SLC9C2: variants seen among roughly 807,000 people sequenced by gnomAD.
The protein encoded by SLC9C2 is sodium/hydrogen exchanger 11.
A neutral mutation model predicts 140.2 loss-of-function variants in SLC9C2; 75 were observed. The observed-to-expected ratio is 0.53, with a 90% CI of 0.44 to 0.65. SLC9C2 has a LOEUF of 0.65. Ranked by LOEUF, SLC9C2 falls within the 30% of genes least tolerant of loss-of-function variation. SLC9C2 has a pLI of 0.00. For synonymous variants in SLC9C2, 375 were observed against 420.9 expected (o/e 0.89, Z 1.34); for missense variants, 1,074 against 1,331.8 (o/e 0.81, Z 3.01).
intron 14 of SLC9C2, 146 bp from the exon 15 acceptor site, chr1:173,536,095 T>C (rs534006723): frequency 1.1e-4 from 67 of 619,666 alleles, no homozygotes; most frequent in Admixed American, 2.6e-4. Flanking sequence ...TCCATCCACC[T>C]ATCCATCCAT....
At position 173,533,746 on chromosome 1, in the gene SLC9C2, A is replaced by C. The variant is rs1316707218; in HGVS notation, c.2026T>G (p.Phe676Val). Residue 676 changes from phenylalanine to valine, a missense_variant, in exon 17 of 28, where the codon TTT becomes GTT. Physicochemically the swap from Phe to Val is conservative, Grantham distance 50. Transcript: ENST00000367714. ...ATGATTCCAATAACCAGGATAAAAAATTCCAAAGTATTCCAACATTGTTGA... is the reference window on the plus strand; with the variant it reads ...ATGATTCCAATAACCAGGATAAAAACTTCCAAAGTATTCCAACATTGTTGA... ...YFQQCWNTLE[F>V]FILVIGIIDI... 6.2e-7 allele frequency: 1 copy of C among 1,602,956 alleles called. No individual in the cohort carries two copies. Among genetic ancestry groups the C allele is most frequent in the Admixed American group, 1.7e-5 (1 of 58,414 alleles).
intron 8 of SLC9C2, among the ~76,000 whole-genome samples, chr1:173,575,662 C>T (rs1047034482): frequency 2.6e-5 from 4 of 152,014 alleles, no homozygotes; most frequent in South Asian, 4.1e-4. Context: ...CTGCAAGCTC[C>T]GCCTCCCGGG....
chr1:173,531,271 A>G (rs1661562746), intron 17 of SLC9C2, among the ~76,000 whole-genome samples: 1 of 152,208 alleles, frequency 6.6e-6, no homozygotes, highest in Non-Finnish European at 1.5e-5. Context: ...AGCATGCTAG[A>G]CAGAAGGGAT....
At position 173,551,646 on chromosome 1, in the gene SLC9C2, G is replaced by A. The variant is rs745711105; in HGVS notation, c.1297+3087C>T. ...TCTTTGATATTACTAATGTAATTGC[G>A]TTGGGGCACCACAAACTGCACCCAC... On this transcript the variant is annotated intron_variant, in intron 11 of 27. Coordinates refer to ENST00000367714, the MANE Select transcript of SLC9C2 (RefSeq NM_178527.4). Among the ~76,000 whole-genome samples, 59 of 152,088 alleles carry A rather than the reference G, an allele frequency of 3.9e-4. 1 individual carries two copies. Among genetic ancestry groups the A allele is most frequent in the South Asian group, 2.1e-4 (1 of 4,822 alleles).
Position 173,556,307 on chromosome 1 carries a change from G to A in SLC9C2, c.1215+1033C>T, listed in dbSNP as rs528656604. ...AATCTTGCCTGGAATGTCAGATGCA[G>A]CCACCACCAGACTCCCCAGAAATCT... On this transcript the variant is annotated intron_variant, in intron 10 of 27. Transcript: ENST00000367714. Among the ~76,000 whole-genome samples the A allele has an allele frequency of 1.4e-3, 218 of 152,262 alleles. 1 individual carries two copies. In the South Asian group the frequency reaches 0.022, roughly 15 times the overall value.
intron 4 of SLC9C2, among the ~76,000 whole-genome samples, chr1:173,591,405 C>T (rs1666154495): frequency 6.6e-6 from 1 of 151,932 alleles, no homozygotes; most frequent in Admixed American, 6.6e-5. Context: ...AATGGGATTG[C>T]TGGGTTGAAT....
chr1:173,559,062 C>A (rs1353297771), intron 9 of SLC9C2, among the ~76,000 whole-genome samples: 1 of 152,148 alleles, frequency 6.6e-6, no homozygotes, highest in Non-Finnish European at 1.5e-5. Flanking sequence ...TGGATGTGTA[C>A]CTGAGTCAAA....
intron 20 of SLC9C2, 83 bp downstream of exon 20, chr1:173,524,696 T>G (rs1661072472): frequency 6.7e-7 from 1 of 1,488,596 alleles, no homozygotes; most frequent in Admixed American, 2.0e-5. Context: ...TTAAACAATT[T>G]TTTCAATCTC....
intron 6 of SLC9C2, 92 bp downstream of exon 6, chr1:173,583,414 T>C: frequency 1.4e-6 from 1 of 717,100 alleles, no homozygotes; most frequent in Admixed American, 2.5e-5. Flanking sequence ...AAAAGTAAAG[T>C]ATAGAGAAGG....
At chr1:173,578,295 T>C (rs1162297083) in intron 7 of SLC9C2, among the ~76,000 whole-genome samples, 1 of 152,200 alleles carries the variant, frequency 6.6e-6, no homozygotes, top group African/African-American at 2.4e-5. Context: ...TTTTTGGACT[T>C]AAGCCAATTG....
chr1:173,538,524 G>A (rs555600712), intron 13 of SLC9C2, among the ~76,000 whole-genome samples: 1 of 152,280 alleles, frequency 6.6e-6, no homozygotes, highest in South Asian at 2.1e-4. Context: ...CAATCTAGTG[G>A]GGCAGGGGAA....
rs12065426 is a variant in SLC9C2, at chr1:173,500,966, A to G, written c.*128T>C. The G allele has an allele frequency of 0.19, 212,914 of 1,091,968 alleles. 21,977 individuals carry two copies. Among genetic ancestry groups the G allele is most frequent in the East Asian group, 0.31 (9,810 of 31,718 alleles). The allele number at this position is 1,091,968 out of a possible 1,614,324, so 67.6% of individuals were successfully genotyped here. On this transcript the variant is annotated 3_prime_UTR_variant, in exon 28 of 28. Coordinates refer to ENST00000367714, the MANE Select transcript of SLC9C2 (RefSeq NM_178527.4). ...AAATGCAGCAGTAACCTGTTTCAGT[A>G]GCTTCTAAGTAAACTCCTTGCAGAT...
At chr1:173,556,304 G>A (rs1162013447) in intron 10 of SLC9C2, among the ~76,000 whole-genome samples, 2 of 152,158 alleles carry the variant, frequency 1.3e-5, no homozygotes, top group Admixed American at 6.5e-5. Context: ...AATGTCAGAT[G>A]CAGCCACCAC....
intron 14 of SLC9C2, 45 bp from the exon 15 acceptor site, chr1:173,535,994 G>A: frequency 6.9e-7 from 1 of 1,445,718 alleles, no homozygotes; most frequent in Non-Finnish European, 9.2e-7. Flanking sequence ...AAAAGCAAGT[G>A]CTATACTTTG....
intron 4 of SLC9C2, chr1:173,596,699 C>A (rs1415741224): frequency 6.6e-6 from 1 of 151,760 alleles, no homozygotes; most frequent in Admixed American, 6.6e-5. Context: ...TAAAAAAAAT[C>A]CAACTGTATA....
In SLC9C2 at chr1:173,502,383, G is replaced by A. The variant is rs571304839; in HGVS notation, c.3371+883C>T. 2.6e-5 allele frequency among the ~76,000 whole-genome samples: 4 copies of A among 151,320 alleles called. No individual in the cohort carries two copies. The East Asian group carries it at 7.8e-4, about 29-fold the overall frequency. On this transcript the variant is annotated intron_variant, in intron 27 of 27. Transcript: ENST00000367714. ...GTGCTTAGCACCATCACTGCTACCT[G>A]GCCCACTTCTGCATTTGTCTAGCAC...
chr1:173,586,554 A>T (rs1665858374), intron 5 of SLC9C2, among the ~76,000 whole-genome samples: 1 of 152,214 alleles, frequency 6.6e-6, no homozygotes, highest in Non-Finnish European at 1.5e-5. Context: ...AATATAAATC[A>T]TTCTACTATA....
At position 173,547,811 on chromosome 1, in the gene SLC9C2, A is replaced by G. The variant is rs773931214; in HGVS notation, c.1462-27T>C. 3.3e-6 allele frequency: 5 copies of G among 1,529,496 alleles called. No individual in the cohort carries two copies. The African/African-American group carries it at 6.9e-5, about 21-fold the overall frequency. 94.7% of individuals were successfully genotyped at this position (1,529,496 alleles called of 1,614,324 possible). A position where few individuals can be genotyped will look rare whatever the true frequency, so the allele number is the denominator to read the frequency against. On this transcript the variant is annotated intron_variant, in intron 12 of 27. Transcript: ENST00000367714. Reference sequence around the variant, plus strand: ...TGAACCGTATCAGATGACATTTTAAAACATAAAGGGATAAAGTTAAAAATA... The same window carrying G: ...TGAACCGTATCAGATGACATTTTAAGACATAAAGGGATAAAGTTAAAAATA...
rs999426649 is a variant in SLC9C2 at position 173,557,629 on chromosome 1, C to T, written c.1047-121G>A. 1.3e-5 allele frequency: 12 copies of T among 892,154 alleles called. No individual in the cohort carries two copies. The South Asian group carries it at 1.7e-4, about 13-fold the overall frequency. The allele number at this position is 892,154 out of a possible 1,614,324, so 55.3% of individuals were successfully genotyped here. A position where few individuals can be genotyped will look rare whatever the true frequency, so the allele number is the denominator to read the frequency against. ...ATTTTCGGGAAAGAAAAAAACAATG[C>T]AATTTACTGTTAAGTCCTTCCAATT... On this transcript the variant is annotated intron_variant, in intron 9 of 27. Transcript: ENST00000367714.
Sources: allele counts gnomAD v4.1 joint callset (sites outside exome capture counted in the v4.1 genomes callset), GRCh38; gene constraint gnomAD v4.1.1; transcripts MANE v1.5; gene names NCBI Gene and HGNC (gene_info 2026-07-23, HGNC 2026-07-21).